CLIP4: variants seen among roughly 807,000 people sequenced by gnomAD.
CLIP4 encodes the protein CAP-Gly domain-containing linker protein 4.
CLIP4 carries 47 observed loss-of-function variants against 73.1 expected under a neutral mutation model. The ratio of observed to expected loss-of-function variants is 0.64; its 90% CI spans 0.51 to 0.82. CLIP4 has a LOEUF of 0.82. Ranked by LOEUF, CLIP4 falls within the 40% of genes least tolerant of loss-of-function variation. CLIP4 has a pLI of 0.00. For missense variants in CLIP4, 874 were observed against 852.9 expected (o/e 1.02, Z -0.31); for synonymous variants, 306 against 295.4 (o/e 1.04, Z -0.37).
intron 2 of CLIP4, chr2:29,130,916 G>C: frequency 7.8e-7 from 1 of 1,289,162 alleles, no homozygotes; most frequent in East Asian, 5.4e-5. Context: ...TAGAATAATA[G>C]AGGAAAGAAG....
intron 14 of CLIP4, among the ~76,000 whole-genome samples, chr2:29,169,894 C>T (rs1667894114): frequency 6.6e-6 from 1 of 152,152 alleles, no homozygotes; most frequent in South Asian, 2.1e-4. Flanking sequence ...TAGCCAACCT[C>T]TCTTTATCCC....
In CLIP4 at chr2:29,157,293, A is replaced by G. The variant is rs776055638; in HGVS notation, c.1345A>G (p.Ser449Gly). The G allele has an allele frequency of 1.9e-6, 3 of 1,614,162 alleles. No individual in the cohort carries two copies. Among genetic ancestry groups the G allele is most frequent in the South Asian group, 2.2e-5 (2 of 91,090 alleles). The change falls in exon 11 of 16, where the codon AGT becomes GGT. Residue 449 changes from serine to glycine, a missense_variant. Coordinates refer to ENST00000320081, the MANE Select transcript of CLIP4 (RefSeq NM_024692.6). ...SYPKKQNAIS[S>G]NKKTMSKSPS... ...CCCCAAGAAACAGAATGCAATCAGC[A>G]GTAACAAGAAGACAATGAGCAAAAG...
In CLIP4 at chr2:29,132,210, T is replaced by C; in HGVS notation, c.332T>C (p.Leu111Ser). 1 of 1,613,830 alleles carries C rather than the reference T, an allele frequency of 6.2e-7. No homozygotes were observed. Among genetic ancestry groups the C allele is most frequent in the Non-Finnish European group, 8.5e-7 (1 of 1,179,778 alleles). The change falls in exon 4 of 16, where the codon TTA (leucine) becomes TCA (serine). Residue 111 changes from leucine to serine, a missense_variant. Transcript: ENST00000320081. ...DRDGLTDMTL[L>S]HYTCKSGAHG... ...GATGGATTGACAGATATGACTCTTT[T>C]ACATTATACCTGCAAATCTGGAGCT...
At chr2:29,163,473 T>G (rs554276439) in intron 12 of CLIP4, among the ~76,000 whole-genome samples, 87 of 152,266 alleles carry the variant, frequency 5.7e-4, no homozygotes, top group African/African-American at 2.1e-3. Context: ...TTTCACTTCT[T>G]TCACTGAAAC....
chr2:29,137,875 A>C (rs1335380608), intron 6 of CLIP4, among the ~76,000 whole-genome samples: 1 of 151,092 alleles, frequency 6.6e-6, no homozygotes, highest in African/African-American at 2.4e-5. Context: ...TTTCTTGTTG[A>C]TTTGTTTACA....
At chr2:29,116,959 C>T (rs1164212912) in intron 1 of CLIP4, among the ~76,000 whole-genome samples, 1 of 152,230 alleles carries the variant, frequency 6.6e-6, no homozygotes, top group Non-Finnish European at 1.5e-5. Context: ...AACTAGTGAT[C>T]TTTAGATTAT....
At position 29,146,535 on chromosome 2, in the gene CLIP4, C is replaced by T. The variant is rs1004417912; in HGVS notation, c.1021+1168C>T. 2.0e-5 allele frequency among the ~76,000 whole-genome samples: 3 copies of T among 152,290 alleles called. 1 individual carries two copies. The highest frequency in any genetic ancestry group is 2.0e-4 in the Admixed American group (3 of 15,294). On this transcript the variant is annotated intron_variant, in intron 8 of 15. Transcript: ENST00000320081. ...TCTCTCTCACACACACCTATCCTGT[C>T]TATTGATTTCAATTTGATTTTGTAG...
At position 29,121,462 on chromosome 2, in the gene CLIP4, C is replaced by A. The variant is rs1023260976; in HGVS notation, c.74C>A (p.Ser25Tyr). 1 of 1,613,642 alleles carries A rather than the reference C, an allele frequency of 6.2e-7. No individual in the cohort carries two copies. The highest frequency in any genetic ancestry group is 1.3e-5 in the African/African-American group (1 of 74,888). Residue 25 changes from serine to tyrosine, a missense_variant, in exon 2 of 16, where the codon TCT (serine) becomes TAT (tyrosine). Physicochemically the swap from Ser to Tyr is moderately radical, Grantham distance 144. Coordinates refer to ENST00000320081, the MANE Select transcript of CLIP4 (RefSeq NM_024692.6). ...TTTGGAAGATACCCATTTATATTTT[C>A]TGCTTCTGATACCCCAGTTATCTTT... ...PLFGRYPFIFSASDTPVIFSI... is the reference protein window; with the variant it reads ...PLFGRYPFIFYASDTPVIFSI...
intron 1 of CLIP4, among the ~76,000 whole-genome samples, chr2:29,116,832 A>T (rs1010133616): frequency 2.0e-5 from 3 of 152,180 alleles, no homozygotes; most frequent in Non-Finnish European, 4.4e-5. Flanking sequence ...TATTTGTAGG[A>T]TTCATTTCAG....
rs1424554203 is a variant in CLIP4 at position 29,152,839 on chromosome 2, C to T, written c.1165+11C>T. On this transcript the variant is annotated intron_variant, in intron 9 of 15. Transcript: ENST00000320081. The stretch of plus-strand genomic sequence containing the variant: ...CAAAAGTAAATACTGGTAGGTCAAA[C>T]CAGAAAGTTAACCATCTGCTTCAGT... The T allele has an allele frequency of 1.9e-6, 3 of 1,610,194 alleles. No homozygotes were observed. Among genetic ancestry groups the T allele is most frequent in the Non-Finnish European group, 2.5e-6 (3 of 1,178,860 alleles).
chr2:29,158,587 T>C (rs141694221), intron 11 of CLIP4, among the ~76,000 whole-genome samples: 351 of 152,204 alleles, frequency 2.3e-3, no homozygotes, highest in African/African-American at 8.0e-3. Flanking sequence ...ACTTAAAACA[T>C]GTTTCTCTAG....
intron 5 of CLIP4, among the ~76,000 whole-genome samples, chr2:29,134,819 G>A: frequency 6.6e-6 from 1 of 152,078 alleles, no homozygotes; most frequent in Non-Finnish European, 1.5e-5. Flanking sequence ...TGTCCTTAGA[G>A]TTGCAAGATT....
intron 14 of CLIP4, among the ~76,000 whole-genome samples, chr2:29,169,906 C>A (rs1270507799): frequency 1.3e-5 from 2 of 152,134 alleles, no homozygotes; most frequent in Admixed American, 1.3e-4. Context: ...CTTTATCCCC[C>A]TTCCCACCCA....
intron 2 of CLIP4, 116 bp downstream of exon 2, chr2:29,121,637 TAA>T: frequency 8.2e-7 from 1 of 1,222,748 alleles, no homozygotes; most frequent in Middle Eastern, 1.9e-4. Flanking sequence ...ATAAAATTGC[TAA>T]AGTTTTCCTT....
In CLIP4 at chr2:29,135,630, G is replaced by A. The variant is rs1171720446; in HGVS notation, c.612G>A (p.Lys204=). 1.2e-6 allele frequency: 2 copies of A among 1,610,534 alleles called. No homozygotes were observed. The highest frequency in any genetic ancestry group is 2.7e-5 in the African/African-American group (2 of 74,768). ...ACAACTTGTGTGCAGGTGCTGTGAA[G>A]TGCCTCTTGGAGCAGGGAGCAAATC... ...AAYNLCAGAV[K]CLLEQGANPA... is the part of the protein sequence containing the mutation. Residue 204 remains lysine, a synonymous_variant, in exon 6 of 16, where the codon AAG becomes AAA. Coordinates refer to ENST00000320081, the MANE Select transcript of CLIP4 (RefSeq NM_024692.6).
rs1484729211 is a variant in CLIP4, at chr2:29,182,002, A to G, written c.*109A>G. On this transcript the variant is annotated 3_prime_UTR_variant, in exon 16 of 16. Transcript: ENST00000320081. The stretch of plus-strand genomic sequence containing the variant: ...ATATTAAAATTTTGAAAATATAGTT[A>G]TCTTCTTAAAAACCATTATAACAAT... 4 of 890,214 alleles carry G rather than the reference A, an allele frequency of 4.5e-6. No individual in the cohort carries two copies. The African/African-American group carries it at 6.8e-5, about 15-fold the overall frequency. 55.1% of individuals were successfully genotyped at this position (890,214 alleles called of 1,614,324 possible). A position where few individuals can be genotyped will look rare whatever the true frequency, so the allele number is the denominator to read the frequency against.
At chr2:29,171,807 C>T (rs1003651767) in intron 14 of CLIP4, among the ~76,000 whole-genome samples, 7 of 152,018 alleles carry the variant, frequency 4.6e-5, no homozygotes, top group East Asian at 3.8e-4. Flanking sequence ...CGTGAGCCAC[C>T]GCGCCTGGCC....
intron 7 of CLIP4, 41 bp from the exon 8 acceptor site, chr2:29,145,191 T>C (rs1217110676): frequency 1.9e-6 from 3 of 1,577,472 alleles, no homozygotes; most frequent in Non-Finnish European, 2.6e-6. Context: ...TTGGAATTAC[T>C]AATAATTCCC....
At chr2:29,161,939 A>G (rs1667320606) in intron 12 of CLIP4, among the ~76,000 whole-genome samples, 1 of 152,226 alleles carries the variant, frequency 6.6e-6, no homozygotes, top group Non-Finnish European at 1.5e-5. Flanking sequence ...TTGTTTCACT[A>G]ATACCACTTA....
Sources: allele counts gnomAD v4.1 joint callset (sites outside exome capture counted in the v4.1 genomes callset), GRCh38; gene constraint gnomAD v4.1.1; transcripts MANE v1.5; gene names NCBI Gene and HGNC (gene_info 2026-07-23, HGNC 2026-07-21).